CLCN3: variants seen among roughly 807,000 people sequenced by gnomAD.
CLCN3 encodes the protein H(+)/Cl(-) exchange transporter 3.
In CLCN3, 16 loss-of-function variants were observed where a neutral mutation model predicts 83.4. The ratio of observed to expected loss-of-function variants is 0.19; its 90% CI spans 0.13 to 0.29. CLCN3 has a LOEUF of 0.29. Ranked by LOEUF, CLCN3 falls within the 10% of genes least tolerant of loss-of-function variation. The pLI is 1.00. For missense variants in CLCN3, 544 were observed against 1,006.0 expected, an observed-to-expected ratio of 0.54 and a Z score of 6.21; for synonymous variants, 322 against 346.2, an observed-to-expected ratio of 0.93 and a Z score of 0.78.
intron 11 of CLCN3, among the ~76,000 whole-genome samples, chr4:169,711,780 T>G (rs139045559): frequency 1.4e-3 from 208 of 152,356 alleles, no homozygotes; most frequent in African/African-American, 4.8e-3. Flanking sequence ...CAGTGCAGTG[T>G]TTGCAGTAAT....
intron 2 of CLCN3, among the ~76,000 whole-genome samples, chr4:169,642,003 G>A (rs544723613): frequency 1.3e-5 from 2 of 152,256 alleles, no homozygotes; most frequent in South Asian, 4.1e-4. Context: ...TGACACAGAT[G>A]AAGCAAAGGG....
In CLCN3 at chr4:169,697,587, T is replaced by C; in HGVS notation, c.1416T>C (p.Cys472=). ...DCGPLESSSL[C]DYRNDMNASK... The stretch of plus-strand genomic sequence containing the variant: ...GTCCCCTGGAATCCTCTTCTCTTTG[T>C]GACTACAGAAATGACATGAATGCCA... The change falls in exon 9 of 13, where the codon TGT becomes TGC. Residue 472 remains cysteine (C), a synonymous_variant. Transcript: ENST00000513761. The C allele has an allele frequency of 6.2e-7, 1 of 1,614,220 alleles. No individual in the cohort carries two copies. Among genetic ancestry groups the C allele is most frequent in the Non-Finnish European group, 8.5e-7 (1 of 1,180,024 alleles).
In CLCN3 at chr4:169,630,993, T is replaced by G. The variant is rs180967657; in HGVS notation, c.-16-4920T>G. On this transcript the variant is annotated intron_variant, in intron 1 of 12. Coordinates refer to ENST00000513761, the MANE Select transcript of CLCN3 (RefSeq NM_001829.4). ...TATACCCAGTAATGGCATTGCTGGG[T>G]CAAATGGTATTTCTGTTTTAAGTTC... Among the ~76,000 whole-genome samples the G allele has an allele frequency of 4.2e-3, 638 of 152,264 alleles. 7 individuals carry two copies. The highest frequency in any genetic ancestry group is 0.036 in the South Asian group (172 of 4,828).
chr4:169,639,683 G>A (rs982193087), intron 2 of CLCN3, among the ~76,000 whole-genome samples: 2 of 152,164 alleles, frequency 1.3e-5, no homozygotes, highest in Admixed American at 6.5e-5. Flanking sequence ...CTCACATTAG[G>A]TCTCTCACTA....
intron 2 of CLCN3, among the ~76,000 whole-genome samples, chr4:169,677,727 C>T (rs1324401710): frequency 6.6e-6 from 1 of 152,188 alleles, no homozygotes; most frequent in African/African-American, 2.4e-5. Flanking sequence ...ACTTAAACTA[C>T]TAATTTTGTG....
intron 12 of CLCN3, among the ~76,000 whole-genome samples, chr4:169,715,414 A>G (rs28628274): frequency 0.076 from 11,517 of 152,136 alleles, 1,410 homozygotes; most frequent in African/African-American, 0.26. Flanking sequence ...ATTGATACAT[A>G]TATGGGGAGA....
At chr4:169,701,319 C>G (rs1287865045) in intron 9 of CLCN3, among the ~76,000 whole-genome samples, 2 of 152,178 alleles carry the variant, frequency 1.3e-5, no homozygotes, top group Non-Finnish European at 2.9e-5. Context: ...TTAGGCTACG[C>G]TTATCATTCT....
At chr4:169,651,166 T>C (rs910239046) in intron 2 of CLCN3, among the ~76,000 whole-genome samples, 9 of 152,086 alleles carry the variant, frequency 5.9e-5, no homozygotes, top group Non-Finnish European at 2.9e-5. Context: ...GTCATTGCAT[T>C]GCAAAAAAAA....
At chr4:169,707,965 T>C (rs879196328) in intron 11 of CLCN3, among the ~76,000 whole-genome samples, 2 of 152,230 alleles carry the variant, frequency 1.3e-5, no homozygotes, top group Admixed American at 1.3e-4. Context: ...CCCGCAGTAT[T>C]GATGAGGAGA....
chr4:169,695,189 A>C (rs1732519117), intron 7 of CLCN3, among the ~76,000 whole-genome samples: 2 of 152,188 alleles, frequency 1.3e-5, no homozygotes, highest in South Asian at 2.1e-4. Flanking sequence ...ATATCTTGCT[A>C]CGATTTGGAA....
chr4:169,705,534 A>G (rs1163479046), intron 10 of CLCN3, among the ~76,000 whole-genome samples: 2 of 152,206 alleles, frequency 1.3e-5, no homozygotes, highest in Admixed American at 6.5e-5. Context: ...TGTTTTGAGG[A>G]TTATATGAGA....
chr4:169,670,287 TA>T (rs1731407553), intron 2 of CLCN3, among the ~76,000 whole-genome samples: 1 of 152,214 alleles, frequency 6.6e-6, no homozygotes, highest in East Asian at 1.9e-4. Flanking sequence ...AATTTTTGTA[TA>T]AGGTGTAAGG....
chr4:169,666,218 G>GT (rs1314115322), intron 2 of CLCN3, among the ~76,000 whole-genome samples: 2 of 152,138 alleles, frequency 1.3e-5, no homozygotes, highest in African/African-American at 4.8e-5. Context: ...AGTAGTAAGA[G>GT]TAAGCATTGT....
At chr4:169,622,445 T>C (rs768109157) in intron 1 of CLCN3, among the ~76,000 whole-genome samples, 11 of 152,196 alleles carry the variant, frequency 7.2e-5, no homozygotes, top group East Asian at 1.9e-4. Context: ...GTGGGTCTTA[T>C]ATCAAAGCAG....
chr4:169,675,889 G>C (rs543630979), intron 2 of CLCN3, among the ~76,000 whole-genome samples: 24 of 152,264 alleles, frequency 1.6e-4, no homozygotes, highest in African/African-American at 5.3e-4. Flanking sequence ...TTACTTAAAT[G>C]ATGATTGGAT....
chr4:169,722,923 A>G lies in CLCN3; in HGVS notation c.*2926A>G, dbSNP rs1175021702. The stretch of plus-strand genomic sequence containing the variant: ...GGCTAATTGGCAAATTAATTTACCA[A>G]TATAATAAGTGTAGCGCCTTGTTTG... On this transcript the variant is annotated 3_prime_UTR_variant, in exon 13 of 13. Coordinates refer to ENST00000513761, the MANE Select transcript of CLCN3 (RefSeq NM_001829.4). The G allele has an allele frequency of 7.2e-5, 11 of 152,222 alleles. No homozygotes were observed. Among genetic ancestry groups the G allele is most frequent in the Admixed American group, 7.2e-4 (11 of 15,284 alleles). 9.4% of individuals were successfully genotyped at this position (152,222 alleles called of 1,614,324 possible).
chr4:169,646,684 A>G (rs1730583688), intron 2 of CLCN3, among the ~76,000 whole-genome samples: 1 of 152,206 alleles, frequency 6.6e-6, no homozygotes, highest in South Asian at 2.1e-4. Context: ...GTAGCAGGAT[A>G]TAAGCCACTT....
intron 2 of CLCN3, among the ~76,000 whole-genome samples, chr4:169,669,068 G>A (rs1395969940): frequency 1.3e-5 from 2 of 152,084 alleles, no homozygotes; most frequent in Non-Finnish European, 2.9e-5. Flanking sequence ...AGGGGAAGGA[G>A]ATACCAAGTG....
intron 11 of CLCN3, among the ~76,000 whole-genome samples, chr4:169,709,612 G>A (rs1733130241): frequency 6.6e-6 from 1 of 151,788 alleles, no homozygotes; most frequent in South Asian, 2.1e-4. Context: ...TTGAACCTGG[G>A]AGGTGGAGAT....
Sources: allele counts gnomAD v4.1 joint callset (sites outside exome capture counted in the v4.1 genomes callset), GRCh38; gene constraint gnomAD v4.1.1; transcripts MANE v1.5; gene names NCBI Gene and HGNC (gene_info 2026-07-23, HGNC 2026-07-21).